Variants in RASL12 observed in about 807,000 individuals in gnomAD.
The protein encoded by RASL12 is ras-like protein family member 12.
A neutral mutation model predicts 22.9 loss-of-function variants in RASL12; 16 were observed. The ratio of observed to expected loss-of-function variants is 0.70; its 90% CI spans 0.47 to 1.06. RASL12 has a LOEUF of 1.06. Ranked by LOEUF, RASL12 falls within the 50% of genes least tolerant of loss-of-function variation. The probability of loss-of-function intolerance (pLI) is 0.00; values close to 1 mark genes in which losing one functional copy is unlikely to be tolerated. For synonymous variants in RASL12, 159 were observed against 152.2 expected (o/e 1.04, Z -0.33); for missense variants, 306 against 353.1 (o/e 0.87, Z 1.07).
chr15:65,068,315 C>T (rs576436710), upstream of RASL12: 63 of 984,258 alleles, frequency 6.4e-5, no homozygotes, highest in African/African-American at 9.8e-4. This position sits in a 1 kb window ranked among gnomAD's most constrained non-coding sequence, Gnocchi z 4.2. Flanking sequence ...AAATCCACCC[C>T]TCCCTTTGTT....
At chr15:65,051,562 A>C, downstream of RASL12, 2 of 1,613,566 alleles carry the variant, frequency 1.2e-6, no homozygotes, top group Non-Finnish European at 1.7e-6. Context: ...TGTGGTGGTC[A>C]TTATAAGCAT....
At chr15:65,060,504 T>A (rs918000445) in intron 2 of RASL12, among the ~76,000 whole-genome samples, 8 of 152,208 alleles carry the variant, frequency 5.3e-5, no homozygotes, top group African/African-American at 1.9e-4. Flanking sequence ...GTTACTTTTT[T>A]TATATATATG....
chr15:65,053,075 A>G, downstream of RASL12: 1 of 1,614,154 alleles, frequency 6.2e-7, no homozygotes, highest in East Asian at 2.2e-5. Context: ...GCTCTCAGAA[A>G]AGCCAAACTT....
downstream of RASL12, chr15:65,049,974 C>T (rs2086627514): frequency 2.0e-6 from 3 of 1,534,584 alleles, no homozygotes; most frequent in Admixed American, 4.0e-5. Context: ...GGTCTAAGGA[C>T]CTCGTTGCAC....
chr15:65,068,116 G>A (rs2086903745), upstream of RASL12: 2 of 1,034,808 alleles, frequency 1.9e-6, no homozygotes, highest in Non-Finnish European at 2.3e-6. This position sits in a 1 kb window ranked among gnomAD's most constrained non-coding sequence, Gnocchi z 4.2. Flanking sequence ...CTGGAGCAGG[G>A]AGGGAGCTCC....
chr15:65,067,780 A>T lies in RASL12; in HGVS notation c.56T>A (p.Leu19His). 4 of 1,582,754 alleles carry T rather than the reference A, an allele frequency of 2.5e-6. No homozygotes were observed. The highest frequency in any genetic ancestry group is 3.4e-6 in the Non-Finnish European group (4 of 1,167,168). Residue 19 changes from leucine (L) to histidine (H), a missense_variant, in exon 1 of 5, where the codon CTC (leucine) becomes CAC (histidine). By Grantham distance (99) the Leu-to-His change is moderately conservative. Transcript: ENST00000220062. Reference sequence around the variant, plus strand: ...CCCCAGGATGGCCAGGTTGACCTCGAGGGGCGCGCTCTGAGGCCCGCTGCC... The same window carrying T: ...CCCCAGGATGGCCAGGTTGACCTCGTGGGGCGCGCTCTGAGGCCCGCTGCC... ...RAGSGPQSAP[L>H]EVNLAILGRR...
intron 1 of RASL12, among the ~76,000 whole-genome samples, chr15:65,065,831 C>T (rs1427301442): frequency 6.6e-6 from 1 of 152,128 alleles, no homozygotes; most frequent in East Asian, 1.9e-4. Context: ...CCTGGTCTCC[C>T]ACATCGCAAG....
chr15:65,051,553 G>A, downstream of RASL12: 1 of 1,613,818 alleles, frequency 6.2e-7, no homozygotes, highest in Admixed American at 1.7e-5. Flanking sequence ...CCTGGCAGCT[G>A]TGGTGGTCAT....
At chr15:65,052,862 C>T (rs1248890310), downstream of RASL12, 41 of 1,025,500 alleles carry the variant, frequency 4.0e-5, no homozygotes, top group Non-Finnish European at 6.0e-5. Flanking sequence ...AGCTCCCAAA[C>T]TGCATAGAGA....
At chr15:65,060,083 C>A (rs2086783928) in intron 2 of RASL12, among the ~76,000 whole-genome samples, 2 of 152,234 alleles carry the variant, frequency 1.3e-5, no homozygotes, top group Non-Finnish European at 1.5e-5. Flanking sequence ...AATGGGAACA[C>A]TGTGATAACA....
At chr15:65,049,778 T>C, downstream of RASL12, 1 of 421,052 alleles carries the variant, frequency 2.4e-6, no homozygotes, top group Admixed American at 4.2e-5. Flanking sequence ...CACGTGCTCC[T>C]GGGTTCGTTC....
downstream of RASL12, chr15:65,051,373 A>G: frequency 1.4e-6 from 1 of 715,776 alleles, no homozygotes. Context: ...GCCCCAGGGC[A>G]AGGGGCCCAT....
At chr15:65,055,666 T>C (rs1310020462) in intron 4 of RASL12, among the ~76,000 whole-genome samples, 1 of 152,018 alleles carries the variant, frequency 6.6e-6, no homozygotes, top group Non-Finnish European at 1.5e-5. Context: ...CCATCGTGGG[T>C]CCCTGGGGCA....
chr15:65,067,675 T>C (rs902778719), intron 1 of RASL12, 58 bp downstream of exon 1: 2 of 1,488,872 alleles, frequency 1.3e-6, no homozygotes, highest in African/African-American at 2.9e-5. Context: ...CAGCCCACTG[T>C]CCCCCCACCC....
chr15:65,046,992 C>T, the RASL12 span, among the ~76,000 whole-genome samples: 2 of 152,096 alleles, frequency 1.3e-5, no homozygotes, highest in Non-Finnish European at 2.9e-5. Flanking sequence ...CTGATTAGTT[C>T]CATTAATTAA....
chr15:65,048,266 T>C, the RASL12 span, among the ~76,000 whole-genome samples: 1 of 152,228 alleles, frequency 6.6e-6, no homozygotes, highest in Non-Finnish European at 1.5e-5. Flanking sequence ...ATATGAATGA[T>C]CATTCACATA....
At chr15:65,051,636 G>T, downstream of RASL12, 1 of 1,604,018 alleles carries the variant, frequency 6.2e-7, no homozygotes, top group Non-Finnish European at 8.5e-7. Flanking sequence ...GGATGGGGTG[G>T]TCTCTGTGGG....
chr15:65,060,879 T>C (rs750616555), intron 2 of RASL12, among the ~76,000 whole-genome samples: 9 of 152,242 alleles, frequency 5.9e-5, no homozygotes, highest in South Asian at 4.1e-4. Flanking sequence ...GACAGCTTCT[T>C]GTCCCCAGCC....
At chr15:65,052,965 G>A, downstream of RASL12, 1 of 1,611,386 alleles carries the variant, frequency 6.2e-7, no homozygotes, top group Non-Finnish European at 8.5e-7. Context: ...TGTCCCCCCA[G>A]AAAAGAAAAG....
Sources: gnomAD v4.1 joint callset for allele counts (sites outside exome capture counted in the v4.1 genomes callset) on GRCh38, gnomAD v4.1.1 for gene constraint, Gnocchi (gnomAD v3.1) non-coding constraint, MANE v1.5 for transcripts, NCBI Gene and HGNC (gene_info 2026-07-23, HGNC 2026-07-21) for gene names.